Variants in LMAN2L observed in about 807,000 individuals in gnomAD.
LMAN2L encodes the protein lectin, mannose binding 2 like, also known as VIP36-like protein.
LMAN2L carries 30 observed loss-of-function variants against 44.3 expected under a neutral mutation model. The ratio of observed to expected loss-of-function variants is 0.68; its 90% confidence interval spans 0.51 to 0.92. LMAN2L has a LOEUF of 0.92. Ranked by LOEUF, LMAN2L falls within the 40% of genes least tolerant of loss-of-function variation. LMAN2L has a pLI of 0.00. For missense variants in LMAN2L, 429 were observed against 446.1 expected, an observed-to-expected ratio of 0.96 and a Z score of 0.35; for synonymous variants, 183 against 171.1, an observed-to-expected ratio of 1.07 and a Z score of -0.54.
At chr2:96,724,578 T>C (rs753117865) in intron 4 of LMAN2L, among the ~76,000 whole-genome samples, 2 of 152,222 alleles carry the variant, frequency 1.3e-5, no homozygotes, top group Non-Finnish European at 2.9e-5. Context: ...CGATCGTGGC[T>C]CACTGTGGAC....
intron 2 of LMAN2L, among the ~76,000 whole-genome samples, chr2:96,736,309 C>T (rs1017821494): frequency 9.2e-5 from 14 of 152,192 alleles, no homozygotes; most frequent in Non-Finnish European, 4.4e-5. Context: ...GGGGATGAGA[C>T]CCAGGCATTG....
chr2:96,715,610 C>T (rs2078024651), intron 4 of LMAN2L, among the ~76,000 whole-genome samples: 1 of 152,200 alleles, frequency 6.6e-6, no homozygotes, highest in Admixed American at 6.5e-5. Flanking sequence ...AAACTCTCAC[C>T]TGTTTTATCA....
At chr2:96,712,680 C>T (rs2077952785) in intron 4 of LMAN2L, among the ~76,000 whole-genome samples, 1 of 152,212 alleles carries the variant, frequency 6.6e-6, no homozygotes, top group African/African-American at 2.4e-5. Context: ...CCCACTTAAG[C>T]CTCCTCCACA....
In LMAN2L at chr2:96,711,962, C is replaced by A. The variant is rs1399530733; in HGVS notation, c.571G>T (p.Asp191Tyr). 3.1e-6 allele frequency: 5 copies of A among 1,614,084 alleles called. No individual in the cohort carries two copies. Among genetic ancestry groups the A allele is most frequent in the Admixed American group, 1.7e-5 (1 of 60,002 alleles). ...CCTCCCAGCTCTGTAGGCCGCCCAT[C>A]CCGCTCATGATCATAGCTGAGGGAG... is the stretch of plus-strand genomic sequence containing the variant. ...NGSLSYDHERDGRPTELGGCT... is the reference protein window; with the variant it reads ...NGSLSYDHERYGRPTELGGCT... Residue 191 changes from aspartate to tyrosine, a missense_variant, in exon 5 of 8, where the codon GAT becomes TAT. Coordinates refer to ENST00000264963, the MANE Select transcript of LMAN2L (RefSeq NM_030805.4).
At chr2:96,739,655 C>T (rs1461860656) in intron 1 of LMAN2L, among the ~76,000 whole-genome samples, 199 bp downstream of exon 1, 7 of 152,180 alleles carry the variant, frequency 4.6e-5, no homozygotes, top group Admixed American at 4.6e-4. Context: ...CTACTGGAAA[C>T]TTCCAGAGCT....
At chr2:96,715,329 G>A (rs1205690541) in intron 4 of LMAN2L, among the ~76,000 whole-genome samples, 1 of 152,222 alleles carries the variant, frequency 6.6e-6, no homozygotes, top group African/African-American at 2.4e-5. Context: ...TCACAGCTTT[G>A]CAACTACAGA....
intron 6 of LMAN2L, 63 bp from the exon 7 acceptor site, chr2:96,707,896 C>A: frequency 1.3e-6 from 2 of 1,557,980 alleles, no homozygotes; most frequent in South Asian, 1.1e-5. Context: ...TTCTTGAAGT[C>A]AGTATCTTAG....
At chr2:96,734,595 A>C (rs113669275) in intron 2 of LMAN2L, 69 bp from the exon 3 acceptor site, 5 of 957,734 alleles carry the variant, frequency 5.2e-6, no homozygotes, top group African/African-American at 3.2e-5. Flanking sequence ...CCACATCAGC[A>C]ATCAACAGAC....
chr2:96,713,081 C>A lies in LMAN2L; in HGVS notation c.508-1056G>T, dbSNP rs973113597. The A allele has an allele frequency of 1.6e-5, 25 of 1,546,982 alleles. No individual in the cohort carries two copies. In the African/African-American group the frequency reaches 3.0e-4, roughly 19 times the overall value. On this transcript the variant is annotated intron_variant, in intron 4 of 7. Coordinates refer to ENST00000264963, the MANE Select transcript of LMAN2L (RefSeq NM_030805.4). ...GATGGACACATGGGAATGAGGGATGCTCATGATGAGCCAAGAACTGAGTAC... is the reference window on the plus strand; with the variant it reads ...GATGGACACATGGGAATGAGGGATGATCATGATGAGCCAAGAACTGAGTAC...
At chr2:96,738,522 A>C (rs1406356955) in intron 1 of LMAN2L, among the ~76,000 whole-genome samples, 1 of 151,946 alleles carries the variant, frequency 6.6e-6, no homozygotes, top group African/African-American at 2.4e-5. Context: ...TTACCAAAAA[A>C]AAAATTAGCC....
Position 96,707,185 on chromosome 2 carries a change from T to A in LMAN2L, c.*71A>T. The A allele has an allele frequency of 6.9e-7, 1 of 1,454,526 alleles. No homozygotes were observed. The highest frequency in any genetic ancestry group is 9.5e-7 in the Non-Finnish European group (1 of 1,056,156). The allele number at this position is 1,454,526 out of a possible 1,614,324, so 90.1% of individuals were successfully genotyped here. On this transcript the variant is annotated 3_prime_UTR_variant, in exon 8 of 8. Coordinates refer to ENST00000264963, the MANE Select transcript of LMAN2L (RefSeq NM_030805.4). Reference sequence around the variant, plus strand: ...AGACAAGAACACTCTCCAGGCTGCATGCTCAGGCCAGTGCCTGCTCCTTCC... The same window carrying A: ...AGACAAGAACACTCTCCAGGCTGCAAGCTCAGGCCAGTGCCTGCTCCTTCC...
At chr2:96,712,705 A>ATAC (rs1247280755) in intron 4 of LMAN2L, among the ~76,000 whole-genome samples, 1 of 152,214 alleles carries the variant, frequency 6.6e-6, no homozygotes, top group African/African-American at 2.4e-5. Context: ...ACTTCTCCGA[A>ATAC]TAATAATAAG....
intron 4 of LMAN2L, among the ~76,000 whole-genome samples, chr2:96,714,518 C>T (rs1159882591): frequency 2.0e-5 from 3 of 152,180 alleles, no homozygotes; most frequent in Admixed American, 6.5e-5. Flanking sequence ...CCATTTAGAA[C>T]AAGGAAATGG....
At chr2:96,717,918 C>T (rs758376748) in intron 4 of LMAN2L, among the ~76,000 whole-genome samples, 9 of 151,966 alleles carry the variant, frequency 5.9e-5, no homozygotes, top group Non-Finnish European at 1.3e-4. Flanking sequence ...GAAGAACATT[C>T]CAAAATTCTC....
chr2:96,724,186 T>C (rs1397701099), intron 4 of LMAN2L, among the ~76,000 whole-genome samples: 2 of 152,240 alleles, frequency 1.3e-5, no homozygotes, highest in African/African-American at 4.8e-5. Flanking sequence ...TTGATCTGTA[T>C]GTCTACCCAG....
At chr2:96,728,459 TCG>T (rs1382368513) in intron 4 of LMAN2L, among the ~76,000 whole-genome samples, 8 of 142,340 alleles carry the variant, frequency 5.6e-5, no homozygotes, top group East Asian at 4.1e-4. Flanking sequence ...TGAGCTGAGA[TCG>T]CACCACTGCA....
intron 4 of LMAN2L, among the ~76,000 whole-genome samples, chr2:96,731,454 T>C (rs549407031): frequency 3.3e-4 from 50 of 152,004 alleles, no homozygotes; most frequent in Non-Finnish European, 6.2e-4. Context: ...ATGGAGACCA[T>C]CCTGGCCAAC....
chr2:96,736,310 C>G (rs896406992), intron 2 of LMAN2L, among the ~76,000 whole-genome samples: 6 of 152,152 alleles, frequency 3.9e-5, no homozygotes, highest in Non-Finnish European at 5.9e-5. Context: ...GGGATGAGAC[C>G]CAGGCATTGA....
At chr2:96,717,524 CCT>C (rs759323076) in intron 4 of LMAN2L, among the ~76,000 whole-genome samples, 8 of 138,696 alleles carry the variant, frequency 5.8e-5, no homozygotes, top group African/African-American at 8.3e-5. Context: ...AAAACCAAAC[CCT>C]GTGTCGGAAA....
Sources: gnomAD v4.1 joint callset for allele counts (sites outside exome capture counted in the v4.1 genomes callset) on GRCh38, gnomAD v4.1.1 for gene constraint, MANE v1.5 for transcripts, NCBI Gene and HGNC (gene_info 2026-07-23, HGNC 2026-07-21) for gene names.